The following NAE1 variants were observed in gnomAD, a reference collection of about 807,000 sequenced individuals.
NAE1 encodes NEDD8 activating enzyme E1 subunit 1, also known as NEDD8-activating enzyme E1 regulatory subunit.
NAE1 carries 59 observed loss-of-function variants against 88.0 expected under a neutral mutation model. The observed-to-expected ratio is 0.67, with a 90% CI of 0.54 to 0.83. The LOEUF is 0.83. Among genes scored for constraint, NAE1 ranks in the 40% least tolerant of loss-of-function variants. NAE1 has a pLI of 0.00. For missense variants in NAE1, 554 were observed against 632.8 expected, an observed-to-expected ratio of 0.88 and a Z score of 1.34; for synonymous variants, 186 against 208.9, an observed-to-expected ratio of 0.89 and a Z score of 0.95.
chr16:66,826,989 G>A (rs186012882), intron 1 of NAE1, among the ~76,000 whole-genome samples: 5 of 152,236 alleles, frequency 3.3e-5, no homozygotes, highest in Admixed American at 6.5e-5. Context: ...AAGAGGGAGA[G>A]GGTCAAATTA....
At chr16:66,818,708 T>C in intron 7 of NAE1, 71 bp from the exon 8 acceptor site, 4 of 1,490,048 alleles carry the variant, frequency 2.7e-6, no homozygotes, top group Non-Finnish European at 3.5e-6. Flanking sequence ...GGGGTCTTGC[T>C]GTATTACCCA....
intron 4 of NAE1, among the ~76,000 whole-genome samples, chr16:66,824,290 A>G (rs1960374600): frequency 6.6e-6 from 1 of 151,886 alleles, no homozygotes; most frequent in South Asian, 2.1e-4. Context: ...GTTGACTAAC[A>G]TGGTTTTGTA....
At chr16:66,814,292 C>T (rs574405938) in intron 11 of NAE1, among the ~76,000 whole-genome samples, 5 of 152,016 alleles carry the variant, frequency 3.3e-5, no homozygotes, top group Non-Finnish European at 5.9e-5. Context: ...GATCTTCATA[C>T]GTTAATCAAG....
intron 1 of NAE1, among the ~76,000 whole-genome samples, chr16:66,829,076 T>G (rs1960589583): frequency 6.6e-6 from 1 of 152,174 alleles, no homozygotes; most frequent in Non-Finnish European, 1.5e-5. Context: ...TCTACTATCT[T>G]GCTGGCCCAA....
intron 10 of NAE1, 113 bp from the exon 11 acceptor site, chr16:66,816,785 T>TA (rs1393853408): frequency 1.6e-6 from 2 of 1,264,252 alleles, no homozygotes; most frequent in Admixed American, 5.3e-5. Flanking sequence ...TAAGAAGAAA[T>TA]ACGGCTTATC....
chr16:66,825,878 T>G (rs181391537), intron 3 of NAE1, among the ~76,000 whole-genome samples: 1 of 152,272 alleles, frequency 6.6e-6, no homozygotes, highest in East Asian at 1.9e-4. Flanking sequence ...ACAAGACTTC[T>G]TGGTATATAT....
At chr16:66,807,537 G>A (rs2145312262) in intron 17 of NAE1, among the ~76,000 whole-genome samples, 1 of 152,206 alleles carries the variant, frequency 6.6e-6, no homozygotes, top group South Asian at 2.1e-4. Context: ...CTACTCGGGA[G>A]GCTGAGGCAG....
intron 17 of NAE1, among the ~76,000 whole-genome samples, chr16:66,806,415 T>A (rs534013715): frequency 6.6e-6 from 1 of 152,124 alleles, no homozygotes; most frequent in African/African-American, 2.4e-5. Context: ...ATAAAGCTAT[T>A]AATAATAGGT....
rs766617531 is a variant in NAE1 at position 66,813,858 on chromosome 16, A to C, written c.841-12T>G. The C allele has an allele frequency of 6.2e-7, 1 of 1,608,840 alleles. No individual in the cohort carries two copies. The highest frequency in any genetic ancestry group is 8.5e-7 in the Non-Finnish European group (1 of 1,176,598). ...ATACTGCTTGGGATCTAACAAAGGA[A>C]CATGAAACATTTACTTACACAGTAT... On this transcript the variant is annotated splice_polypyrimidine_tract_variant and intron_variant, in intron 11 of 19. Coordinates refer to ENST00000290810, the MANE Select transcript of NAE1 (RefSeq NM_003905.4).
In NAE1 at chr16:66,824,878, G is replaced by T; in HGVS notation, c.226C>A (p.Leu76Ile). The T allele has an allele frequency of 6.2e-7, 1 of 1,607,502 alleles. No individual in the cohort carries two copies. The highest frequency in any genetic ancestry group is 8.5e-7 in the Non-Finnish European group (1 of 1,176,586). ...ACCTTGCCGATACTGCTTCTTTGAA[G>T]GAAGAAACTAAAGTGAACAGAATAA... The part of the protein sequence containing the change: ...SGEDAGNNFF[L>I]QRSSIGKNRA... Residue 76 changes from leucine to isoleucine, a missense_variant, in exon 4 of 20, where the codon CTT becomes ATT. By Grantham distance (5) the Leu-to-Ile change is conservative (BLOSUM62 2). Transcript: ENST00000290810.
intron 17 of NAE1, among the ~76,000 whole-genome samples, chr16:66,807,500 C>T (rs1003043910): frequency 3.9e-5 from 6 of 151,910 alleles, no homozygotes; most frequent in African/African-American, 1.2e-4. Flanking sequence ...ATTAGCTGGG[C>T]GAGGTGGCGG....
intron 1 of NAE1, chr16:66,828,245 C>T (rs551175602): frequency 1.2e-4 from 62 of 496,256 alleles, no homozygotes; most frequent in South Asian, 5.7e-4. Context: ...AATCCCAGCA[C>T]TTTGGGAGGC....
At chr16:66,821,228 G>A (rs1174193108) in intron 7 of NAE1, among the ~76,000 whole-genome samples, 4 of 152,192 alleles carry the variant, frequency 2.6e-5, no homozygotes, top group Non-Finnish European at 4.4e-5. Flanking sequence ...CTAATAAGAT[G>A]AAGAAGCTGT....
At chr16:66,806,163 C>T in intron 17 of NAE1, 137 bp from the exon 18 acceptor site, 1 of 1,025,748 alleles carries the variant, frequency 9.7e-7, no homozygotes, top group Non-Finnish European at 1.4e-6. Flanking sequence ...AGTATGAGAC[C>T]AATATTTGCA....
At chr16:66,817,382 A>G (rs745994752) in intron 9 of NAE1, 43 bp downstream of exon 9, 47 of 1,438,484 alleles carry the variant, frequency 3.3e-5, no homozygotes, top group Non-Finnish European at 4.3e-5. Context: ...TAAGAAACTG[A>G]AAATACAGTT....
chr16:66,812,934 T>C (rs1417023131), intron 13 of NAE1, among the ~76,000 whole-genome samples: 1 of 151,516 alleles, frequency 6.6e-6, no homozygotes, highest in Non-Finnish European at 1.5e-5. Flanking sequence ...GCTATTCTCC[T>C]GCCTCAGCCT....
intron 4 of NAE1, 89 bp downstream of exon 4, chr16:66,824,766 C>A: frequency 8.5e-7 from 1 of 1,178,996 alleles, no homozygotes; most frequent in Non-Finnish European, 1.2e-6. Context: ...AGAAATAATA[C>A]ACGTTTTTAA....
At position 66,810,384 on chromosome 16, in the gene NAE1, T is replaced by C. The variant is rs1247344575; in HGVS notation, c.1140A>G (p.Leu380=). 3.8e-6 allele frequency: 6 copies of C among 1,599,336 alleles called. No homozygotes were observed. The highest frequency in any genetic ancestry group is 5.1e-6 in the Non-Finnish European group (6 of 1,168,340). Reference sequence around the variant, plus strand: ...TTCAAGGGGACTTACAGAGTAATTTTAATTCTTTCTCTGAAATGGACTCTG... The same window carrying C: ...TTCAAGGGGACTTACAGAGTAATTTCAATTCTTTCTCTGAAATGGACTCTG... ...QAPESISEKE[L]KLLCSNSAFL... is the part of the protein sequence containing the mutation. Residue 380 remains leucine (L), a synonymous_variant, in exon 15 of 20, where the codon TTA becomes TTG. Transcript: ENST00000290810.
Position 66,813,783 on chromosome 16 carries a change from T to C in NAE1, c.900+4A>G. On this transcript the variant is annotated splice_donor_region_variant and intron_variant, in intron 12 of 19. Coordinates refer to ENST00000290810, the MANE Select transcript of NAE1 (RefSeq NM_003905.4). ...AGCAATGTTTTTACTTTTGTTGTTGTTACCTGTTTGGTGATATTTATGCAG... is the reference window on the plus strand; with the variant it reads ...AGCAATGTTTTTACTTTTGTTGTTGCTACCTGTTTGGTGATATTTATGCAG... The C allele has an allele frequency of 3.7e-6, 6 of 1,613,722 alleles. No individual in the cohort carries two copies. The highest frequency in any genetic ancestry group is 5.1e-6 in the Non-Finnish European group (6 of 1,179,794).
Sources: allele counts gnomAD v4.1 joint callset (sites outside exome capture counted in the v4.1 genomes callset), GRCh38; gene constraint gnomAD v4.1.1; transcripts MANE v1.5; gene names NCBI Gene and HGNC (gene_info 2026-07-23, HGNC 2026-07-21).